TMEM132B: variants seen among roughly 807,000 people sequenced by gnomAD.
The protein encoded by TMEM132B is transmembrane protein 132B.
TMEM132B carries 18 observed loss-of-function variants against 90.8 expected under a neutral mutation model. The observed-to-expected ratio is 0.20, with a 90% CI of 0.14 to 0.29. The LOEUF is 0.29. Ranked by LOEUF, TMEM132B falls within the 10% of genes least tolerant of loss-of-function variation. The pLI is 1.00. For synonymous variants in TMEM132B, 504 were observed against 523.3 expected, an observed-to-expected ratio of 0.96 and a Z score of 0.50; for missense variants, 1,096 against 1,326.8, an observed-to-expected ratio of 0.83 and a Z score of 2.70.
intron 2 of TMEM132B, among the ~76,000 whole-genome samples, chr12:125,388,044 T>C (rs1878895258): frequency 6.6e-6 from 1 of 152,194 alleles, no homozygotes; most frequent in Admixed American, 6.5e-5. Context: ...ATGATAATTA[T>C]ACACGAGGCA....
intron 6 of TMEM132B, among the ~76,000 whole-genome samples, chr12:125,648,178 T>C (rs1172339448): frequency 2.6e-5 from 4 of 151,782 alleles, no homozygotes; most frequent in African/African-American, 9.7e-5. Context: ...CTTGCGATAG[T>C]TTACTGAGAA....
intron 2 of TMEM132B, among the ~76,000 whole-genome samples, chr12:125,353,479 C>T (rs948751079): frequency 1.3e-5 from 2 of 152,144 alleles, no homozygotes; most frequent in African/African-American, 4.8e-5. Context: ...CATTTCAGGC[C>T]GGGCAGTGGC....
At chr12:125,426,602 T>A (rs1593140286) in intron 3 of TMEM132B, among the ~76,000 whole-genome samples, 1 of 152,202 alleles carries the variant, frequency 6.6e-6, no homozygotes, top group Non-Finnish European at 1.5e-5. Context: ...CCTGGCAACA[T>A]GCAGGTTCAT....
At chr12:125,225,469 C>G (rs1018100604) in intron 1 of TMEM132B, among the ~76,000 whole-genome samples, 2 of 152,180 alleles carry the variant, frequency 1.3e-5, no homozygotes, top group East Asian at 3.8e-4. Flanking sequence ...GCAAGTTTTG[C>G]TAGAGGTGGG....
chr12:125,270,661 C>T (rs2121940), intron 1 of TMEM132B, among the ~76,000 whole-genome samples: 59,542 of 151,728 alleles, frequency 0.39, 12,022 homozygotes, highest in East Asian at 0.49. Flanking sequence ...ACCAAAGACA[C>T]GGATGAGGGG....
rs370484941 is a variant in TMEM132B at position 125,412,380 on chromosome 12, ATTG to A, written c.960-3149_960-3147del. ...TTAAGGAGCTAAAGTGTGAGACATT[ATTG>A]TCCCCAGACTTAACTACTGAGGCAT... On this transcript the variant is annotated intron_variant, in intron 2 of 8. Transcript: ENST00000682704. Among the ~76,000 whole-genome samples the A allele has an allele frequency of 1.7e-3, 258 of 152,362 alleles. 1 individual carries two copies. Among genetic ancestry groups the A allele is most frequent in the African/African-American group, 5.1e-3 (214 of 41,586 alleles).
At chr12:125,571,059 C>G (rs1163552406) in intron 4 of TMEM132B, among the ~76,000 whole-genome samples, 2 of 152,114 alleles carry the variant, frequency 1.3e-5, no homozygotes, top group Non-Finnish European at 2.9e-5. Context: ...ATTAAAAAAT[C>G]TGTATAAAGC....
At chr12:125,431,303 G>C (rs767674752) in intron 3 of TMEM132B, among the ~76,000 whole-genome samples, 6 of 152,018 alleles carry the variant, frequency 3.9e-5, no homozygotes, top group Non-Finnish European at 7.3e-5. Flanking sequence ...CCTTGGTAAT[G>C]GGGGGTCCCC....
At chr12:125,548,341 T>A (rs376947648) in intron 4 of TMEM132B, among the ~76,000 whole-genome samples, 2 of 152,226 alleles carry the variant, frequency 1.3e-5, no homozygotes, top group African/African-American at 2.4e-5. Flanking sequence ...TATCTCAGAA[T>A]ATTTGGTGGC....
At chr12:125,625,085 C>T (rs181615402) in intron 5 of TMEM132B, among the ~76,000 whole-genome samples, 1 of 150,726 alleles carries the variant, frequency 6.6e-6, no homozygotes. Context: ...TCCAGGACAG[C>T]ACAAAAGTGG....
At chr12:125,605,022 G>T (rs1406147028) in intron 5 of TMEM132B, among the ~76,000 whole-genome samples, 1 of 152,182 alleles carries the variant, frequency 6.6e-6, no homozygotes, top group African/African-American at 2.4e-5. Flanking sequence ...AAGAGTGGAA[G>T]TTTGGACTAA....
At chr12:125,317,871 GAAATGC>G (rs1876326639) in intron 1 of TMEM132B, among the ~76,000 whole-genome samples, 1 of 152,164 alleles carries the variant, frequency 6.6e-6, no homozygotes, top group Non-Finnish European at 1.5e-5. Context: ...TAGGTAAGTG[GAAATGC>G]AAATATAAAC....
chr12:125,238,160 G>A (rs115509873), intron 1 of TMEM132B, among the ~76,000 whole-genome samples: 1,541 of 151,796 alleles, frequency 0.01, 31 homozygotes, highest in African/African-American at 0.035. Flanking sequence ...AAAGATGTTG[G>A]GGACATTTCT....
intron 2 of TMEM132B, among the ~76,000 whole-genome samples, chr12:125,386,050 T>C (rs1336779917): frequency 6.6e-6 from 1 of 152,148 alleles, no homozygotes; most frequent in Non-Finnish European, 1.5e-5. Flanking sequence ...TGGAGTGCAG[T>C]GGCAAGATCA....
chr12:125,421,152 T>C (rs1378125970), intron 3 of TMEM132B, among the ~76,000 whole-genome samples: 1 of 152,260 alleles, frequency 6.6e-6, no homozygotes, highest in African/African-American at 2.4e-5. Context: ...TCATCCAAAC[T>C]GTTCCAACCT....
rs949952731 is a variant in TMEM132B at position 125,251,263 on chromosome 12, A to G, written c.67+64397A>G. On this transcript the variant is annotated intron_variant, in intron 1 of 8. Transcript: ENST00000682704. The surrounding 1 kb of genome is among the most constrained non-coding windows in gnomAD (Gnocchi z 4.4). ...ATGATTTTTGAAAATATCAAAAACT[A>G]TCATTAATTTGGGCTGAACCAGCCA... is the stretch of plus-strand genomic sequence containing the variant. Among the ~76,000 whole-genome samples the G allele has an allele frequency of 3.3e-5, 5 of 152,234 alleles. No individual in the cohort carries two copies. Among genetic ancestry groups the G allele is most frequent in the African/African-American group, 1.2e-4 (5 of 41,462 alleles).
At chr12:125,461,639 AC>A (rs1881438318) in intron 3 of TMEM132B, among the ~76,000 whole-genome samples, 1 of 152,236 alleles carries the variant, frequency 6.6e-6, no homozygotes, top group Non-Finnish European at 1.5e-5. Flanking sequence ...AACAGAAAAC[AC>A]ATCTTCATTC....
intron 2 of TMEM132B, among the ~76,000 whole-genome samples, chr12:125,412,031 A>G (rs900872033): frequency 2.6e-5 from 4 of 152,154 alleles, no homozygotes; most frequent in Non-Finnish European, 5.9e-5. Flanking sequence ...CCCCCGTGCT[A>G]GGAAATGCTC....
chr12:125,366,176 A>C (rs536904117), intron 2 of TMEM132B, among the ~76,000 whole-genome samples: 1 of 151,884 alleles, frequency 6.6e-6, no homozygotes, highest in Admixed American at 6.6e-5. Context: ...TTCCAGTTCC[A>C]CCCACATTGC....
Sources: gnomAD v4.1 joint callset for allele counts (sites outside exome capture counted in the v4.1 genomes callset) on GRCh38, gnomAD v4.1.1 for gene constraint, Gnocchi (gnomAD v3.1) non-coding constraint, MANE v1.5 for transcripts, NCBI Gene and HGNC (gene_info 2026-07-23, HGNC 2026-07-21) for gene names.